Variants in RELN observed in about 807,000 individuals in gnomAD.
The protein encoded by RELN is reelin.
RELN carries 108 observed loss-of-function variants against 427.6 expected under a neutral mutation model. The ratio of observed to expected loss-of-function variants is 0.25; its 90% CI spans 0.22 to 0.30. The LOEUF is 0.30. RELN is among the 10% of genes least tolerant of loss of function. The pLI, the probability that RELN is intolerant of heterozygous loss-of-function variation, is 1.00. For missense variants in RELN, 3,715 were observed against 4,302.8 expected, an observed-to-expected ratio of 0.86 and a Z score of 3.82; for synonymous variants, 1,524 against 1,513.4, an observed-to-expected ratio of 1.01 and a Z score of -0.16.
Position 103,497,654 on chromosome 7 carries a change from G to A in RELN, c.8950+166C>T, listed in dbSNP as rs115858783. On this transcript the variant is annotated intron_variant, in intron 55 of 64. Transcript: ENST00000428762. The stretch of plus-strand genomic sequence containing the variant: ...CCTTCCCTTTTTGCATAACACAGAA[G>A]TCACTTGTACGGAACATGTAATACA... Among the ~76,000 whole-genome samples the A allele has an allele frequency of 1.7e-3, 260 of 152,254 alleles. 1 individual carries two copies. Among genetic ancestry groups the A allele is most frequent in the African/African-American group, 6.0e-3 (250 of 41,554 alleles).
In RELN at chr7:103,816,217, A is replaced by G. The variant is rs565667896; in HGVS notation, c.473+17320T>C. Among the ~76,000 whole-genome samples the G allele has an allele frequency of 1.5e-4, 23 of 152,212 alleles. No homozygotes were observed. In the South Asian group the frequency reaches 4.4e-3, roughly 29 times the overall value. On this transcript the variant is annotated intron_variant, in intron 3 of 64. Transcript: ENST00000428762. ...AACATGGTGAAACCCCAGCTCTAGT[A>G]AACATACAAAAATTGGCTGGGCATG...
At chr7:103,726,157 C>A (rs1790205958) in intron 7 of RELN, among the ~76,000 whole-genome samples, 1 of 152,170 alleles carries the variant, frequency 6.6e-6, no homozygotes, top group Non-Finnish European at 1.5e-5. Context: ...ATAATGTTAA[C>A]TGAAAACCGA....
At chr7:103,558,663 T>C (rs1164717803) in intron 36 of RELN, among the ~76,000 whole-genome samples, 2 of 152,322 alleles carry the variant, frequency 1.3e-5, no homozygotes, top group African/African-American at 2.4e-5. Context: ...GCTTTCGTAA[T>C]TTTTTCTGCT....
chr7:103,896,494 G>A (rs775834446), intron 2 of RELN, among the ~76,000 whole-genome samples: 1 of 151,950 alleles, frequency 6.6e-6, no homozygotes, highest in Non-Finnish European at 1.5e-5. Flanking sequence ...TAAAGAAGTT[G>A]GCCAAAAAAG....
At chr7:103,712,792 CTTCAAGAAT>C (rs1789837573) in intron 8 of RELN, among the ~76,000 whole-genome samples, 1 of 152,110 alleles carries the variant, frequency 6.6e-6, no homozygotes, top group African/African-American at 2.4e-5. Context: ...GAGTCTGTAT[CTTCAAGAAT>C]TTCATCTATT....
chr7:103,764,423 T>C (rs1370928995), intron 4 of RELN, among the ~76,000 whole-genome samples: 1 of 152,190 alleles, frequency 6.6e-6, no homozygotes, highest in Non-Finnish European at 1.5e-5. Context: ...TATAGGTAAC[T>C]GCAAACTTCA....
Position 103,589,671 on chromosome 7 carries a change from G to T in RELN, c.4070C>A (p.Pro1357His), listed in dbSNP as rs1188038342. 6.2e-7 allele frequency: 1 copy of T among 1,614,048 alleles called. No homozygotes were observed. The highest frequency in any genetic ancestry group is 1.1e-5 in the South Asian group (1 of 91,078). The stretch of plus-strand genomic sequence containing the variant: ...AAAGTCCCCTGTGTGATACATGGTG[G>T]GCTCACTTAGTTCTCTGGAGTTTCC... ...CEGNSRELSEPTMYHTGDFEE... is the reference protein window; with the variant it reads ...CEGNSRELSEHTMYHTGDFEE... Residue 1357 changes from proline to histidine, a missense_variant, in exon 28 of 65, where the codon CCC becomes CAC. By Grantham distance (77) the Pro-to-His change is moderately conservative. This residue lies in a region of RELN where 2,208 missense variants were observed against 2,361.7 expected (regional missense o/e 0.93). Coordinates refer to ENST00000428762, the MANE Select transcript of RELN (RefSeq NM_005045.4).
intron 3 of RELN, among the ~76,000 whole-genome samples, chr7:103,820,823 CTAA>C (rs1792995135): frequency 6.6e-6 from 1 of 151,982 alleles, no homozygotes; most frequent in Non-Finnish European, 1.5e-5. Context: ...GCTTCACTTT[CTAA>C]TAATATTATA....
At chr7:103,735,326 T>G (rs1242548451) in intron 6 of RELN, among the ~76,000 whole-genome samples, 2 of 152,148 alleles carry the variant, frequency 1.3e-5, no homozygotes, top group African/African-American at 4.8e-5. Flanking sequence ...CTTTGAACAG[T>G]AGAGAGTATA....
chr7:103,536,627 C>T (rs1221053878), intron 45 of RELN, among the ~76,000 whole-genome samples: 1 of 152,214 alleles, frequency 6.6e-6, no homozygotes, highest in Non-Finnish European at 1.5e-5. Flanking sequence ...GTGCTTGCCT[C>T]CTAACAGCAT....
intron 2 of RELN, among the ~76,000 whole-genome samples, chr7:103,908,365 C>G (rs775465911): frequency 2.6e-5 from 4 of 152,240 alleles, no homozygotes; most frequent in Non-Finnish European, 5.9e-5. Context: ...GGTATTTGAA[C>G]TGATAATCTC....
intron 6 of RELN, among the ~76,000 whole-genome samples, 199 bp from the exon 7 acceptor site, chr7:103,728,406 G>A (rs980469474): frequency 1.3e-5 from 2 of 152,136 alleles, no homozygotes; most frequent in Non-Finnish European, 2.9e-5. Flanking sequence ...AATTCTTTCA[G>A]TTACTTACAG....
intron 4 of RELN, among the ~76,000 whole-genome samples, chr7:103,760,217 T>G (rs1377309586): frequency 6.6e-6 from 1 of 151,572 alleles, no homozygotes; most frequent in African/African-American, 2.4e-5. Flanking sequence ...CATCATCAAT[T>G]CAGTTTGTCC....
chr7:103,566,698 G>A lies in RELN; in HGVS notation c.4650C>T (p.Asp1550=), dbSNP rs1361218663. The A allele has an allele frequency of 3.1e-6, 5 of 1,614,110 alleles. No homozygotes were observed. Among genetic ancestry groups the A allele is most frequent in the East Asian group, 2.2e-5 (1 of 44,876 alleles). The change falls in exon 32 of 65, where the codon GAC becomes GAT. Residue 1550 remains aspartate (D), a synonymous_variant. Coordinates refer to ENST00000428762, the MANE Select transcript of RELN (RefSeq NM_005045.4). ...TCTGTGGTTCCAGGAAGGACATGAAGTCCAACTCTCGAAGCAAATGCCAGA... is the reference window on the plus strand; with the variant it reads ...TCTGTGGTTCCAGGAAGGACATGAAATCCAACTCTCGAAGCAAATGCCAGA... ...GILWHLLREL[D]FMSFLEPQII...
At chr7:103,925,829 A>T (rs1158020004) in intron 1 of RELN, among the ~76,000 whole-genome samples, 1 of 152,192 alleles carries the variant, frequency 6.6e-6, no homozygotes, top group African/African-American at 2.4e-5. Flanking sequence ...AATTCTTATA[A>T]GCACATACAC....
intron 2 of RELN, among the ~76,000 whole-genome samples, chr7:103,898,234 C>T (rs2116611375): frequency 6.6e-6 from 1 of 151,994 alleles, no homozygotes; most frequent in East Asian, 1.9e-4. Context: ...AATTTCTAAA[C>T]TGTCTTTATT....
chr7:103,620,530 G>C lies in RELN; in HGVS notation c.2703-8727C>G, dbSNP rs1210998276. On this transcript the variant is annotated intron_variant, in intron 20 of 64. Transcript: ENST00000428762. The surrounding 1 kb of genome is among the most constrained non-coding windows in gnomAD (Gnocchi z 4.1). Reference sequence around the variant, plus strand: ...GTCTGTCGCCCAGGCTGGAGTAACAGTGGCACGATCTTGGCTCACTGCAGC... The same window carrying C: ...GTCTGTCGCCCAGGCTGGAGTAACACTGGCACGATCTTGGCTCACTGCAGC... 6.7e-6 allele frequency among the ~76,000 whole-genome samples: 1 copy of C among 149,262 alleles called. No homozygotes were observed. The highest frequency in any genetic ancestry group is 1.5e-5 in the Non-Finnish European group (1 of 67,762).
At chr7:103,736,524 A>T (rs1177936497) in intron 6 of RELN, among the ~76,000 whole-genome samples, 2 of 152,186 alleles carry the variant, frequency 1.3e-5, no homozygotes, top group African/African-American at 4.8e-5. Context: ...ATTACTTTTC[A>T]CTGAGGAAGG....
At chr7:103,919,859 T>A (rs924024532) in intron 1 of RELN, among the ~76,000 whole-genome samples, 2 of 152,172 alleles carry the variant, frequency 1.3e-5, no homozygotes, top group Admixed American at 6.5e-5. Flanking sequence ...AGAAATAATA[T>A]GGGACATGAT....
Sources: allele counts gnomAD v4.1 joint callset (sites outside exome capture counted in the v4.1 genomes callset), GRCh38; gene constraint gnomAD v4.1.1; regional missense constraint gnomAD v4.1.1; non-coding constraint Gnocchi (gnomAD v3.1); transcripts MANE v1.5; gene names NCBI Gene and HGNC (gene_info 2026-07-23, HGNC 2026-07-21).